ADAMTSL1: variants seen among roughly 807,000 people sequenced by gnomAD.
ADAMTSL1 encodes ADAMTS like 1.
ADAMTSL1 carries 126 observed loss-of-function variants against 201.8 expected under a neutral mutation model. The ratio of observed to expected loss-of-function variants is 0.62; its 90% CI spans 0.54 to 0.72. The LOEUF (loss-of-function observed/expected upper bound fraction) is 0.72, where lower values mean the gene tolerates loss of function less well. ADAMTSL1 is among the 30% of genes least tolerant of loss of function. The pLI, the probability that ADAMTSL1 is intolerant of heterozygous loss-of-function variation, is 0.00. For synonymous variants in ADAMTSL1, 1,121 were observed against 903.4 expected (o/e 1.24, Z -4.32); for missense variants, 2,679 against 2,277.8 (o/e 1.18, Z -3.59).
intron 3 of ADAMTSL1, among the ~76,000 whole-genome samples, chr9:18,563,213 T>G (rs1821649452): frequency 6.6e-6 from 1 of 152,230 alleles, no homozygotes; most frequent in Admixed American, 6.5e-5. Context: ...ATCCTTTTTG[T>G]TGATGTTGAT....
At chr9:18,730,263 T>G (rs1460917744) in intron 15 of ADAMTSL1, among the ~76,000 whole-genome samples, 2 of 152,224 alleles carry the variant, frequency 1.3e-5, no homozygotes, top group African/African-American at 4.8e-5. Flanking sequence ...ATTACTATGT[T>G]CCTTAAACTT....
chr9:18,867,727 A>G (rs1474618560), intron 23 of ADAMTSL1, among the ~76,000 whole-genome samples: 1 of 152,040 alleles, frequency 6.6e-6, no homozygotes, highest in Non-Finnish European at 1.5e-5. Context: ...CCTGAGTTCA[A>G]GCAATTCTCC....
At chr9:17,910,665 T>C (rs1825882401) in intron 1 of ADAMTSL1, among the ~76,000 whole-genome samples, 1 of 68,200 alleles carries the variant, frequency 1.5e-5, no homozygotes, top group African/African-American at 3.0e-5. Flanking sequence ...CAGAAAAGAG[T>C]TTAAAGTGGT....
intron 1 of ADAMTSL1, among the ~76,000 whole-genome samples, chr9:18,061,484 T>C (rs932993366): frequency 1.3e-5 from 2 of 152,214 alleles, no homozygotes; most frequent in Non-Finnish European, 2.9e-5. Flanking sequence ...AGGGATAATA[T>C]ATATGAGATT....
rs1045945795 is a variant in ADAMTSL1, at chr9:18,898,718, T to C, written c.4851+6122T>C. 2.0e-5 allele frequency among the ~76,000 whole-genome samples: 3 copies of C among 152,166 alleles called. No individual in the cohort carries two copies. The East Asian group carries it at 5.8e-4, about 29-fold the overall frequency. On this transcript the variant is annotated intron_variant, in intron 26 of 28. Coordinates refer to ENST00000380548, the MANE Select transcript of ADAMTSL1 (RefSeq NM_001040272.6). ...AAGACAAAAAACACAAGTATCTCAATAGACACAGGAAAGCCCTTTAATAAA... is the reference window on the plus strand; with the variant it reads ...AAGACAAAAAACACAAGTATCTCAACAGACACAGGAAAGCCCTTTAATAAA...
chr9:17,947,345 A>ACC lies in ADAMTSL1; in HGVS notation c.87+40426_87+40427dup, dbSNP rs374811850. On this transcript the variant is annotated intron_variant, in intron 1 of 29. Transcript: ENST00000680146. ...CACACACACACACACACACACACACACCCCACTATGCACTTGATAATTTTG... is the reference window on the plus strand; with the variant it reads ...CACACACACACACACACACACACACACCCCCCACTATGCACTTGATAATTTTG... 2.1e-3 allele frequency among the ~76,000 whole-genome samples: 303 copies of ACC among 147,026 alleles called. 3 individuals are homozygous for ACC. The highest frequency in any genetic ancestry group is 0.011 in the Middle Eastern group (3 of 278).
At chr9:18,066,431 T>C (rs1388775004) in intron 1 of ADAMTSL1, among the ~76,000 whole-genome samples, 1 of 152,256 alleles carries the variant, frequency 6.6e-6, no homozygotes, top group Non-Finnish European at 1.5e-5. Flanking sequence ...CTTAAAAGTA[T>C]CTAAAATATT....
intron 26 of ADAMTSL1, among the ~76,000 whole-genome samples, chr9:18,902,193 G>C (rs139825192): frequency 6.6e-6 from 1 of 152,086 alleles, no homozygotes; most frequent in Non-Finnish European, 1.5e-5. Context: ...TTCAACAATC[G>C]ATAGGACAAC....
intron 5 of ADAMTSL1, among the ~76,000 whole-genome samples, chr9:18,626,982 T>C (rs988837969): frequency 7.3e-5 from 11 of 151,608 alleles, no homozygotes; most frequent in Admixed American, 2.6e-4. Context: ...TTTCTTCTTT[T>C]TTTCTTTTAT....
intron 1 of ADAMTSL1, among the ~76,000 whole-genome samples, chr9:18,106,949 CA>C (rs1564004170): frequency 6.6e-6 from 1 of 152,162 alleles, no homozygotes; most frequent in East Asian, 1.9e-4. Flanking sequence ...TGGCAATTCC[CA>C]CATTGAAACT....
intron 2 of ADAMTSL1, among the ~76,000 whole-genome samples, chr9:18,463,548 C>G (rs1820887780): frequency 6.6e-6 from 1 of 152,072 alleles, no homozygotes; most frequent in African/African-American, 2.4e-5. Flanking sequence ...ATTCCCCATT[C>G]CCCCTTCCCT....
At chr9:18,707,491 C>T (rs1447825193) in intron 14 of ADAMTSL1, among the ~76,000 whole-genome samples, 2 of 152,098 alleles carry the variant, frequency 1.3e-5, no homozygotes, top group East Asian at 1.9e-4. Context: ...GTTTACATCT[C>T]GAGGAAGGGT....
intron 2 of ADAMTSL1, among the ~76,000 whole-genome samples, chr9:18,462,956 A>C (rs1820864730): frequency 6.6e-6 from 1 of 151,950 alleles, no homozygotes; most frequent in Non-Finnish European, 1.5e-5. Flanking sequence ...TAAAAATAAA[A>C]ATAAAAAATA....
At chr9:18,141,033 T>C (rs930098349) in intron 1 of ADAMTSL1, among the ~76,000 whole-genome samples, 1 of 152,196 alleles carries the variant, frequency 6.6e-6, no homozygotes, top group African/African-American at 2.4e-5. Flanking sequence ...ATGTATCATG[T>C]GACCCAACAC....
rs766397590 is a variant in ADAMTSL1 at position 18,887,969 on chromosome 9, C to T, written c.4388C>T (p.Ser1463Phe). The T allele has an allele frequency of 9.3e-6, 15 of 1,613,854 alleles. No individual in the cohort carries two copies. The East Asian group carries it at 3.3e-4, about 36-fold the overall frequency. ...CAAGTTGCAAACCTTAGCGGTGGGT[C>T]TCAAGGGGAATTCAGCTGCCTTGCT... ...ILQVANLSGG[S>F]QGEFSCLAQN... The change falls in exon 24 of 29, where the codon TCT becomes TTT. Residue 1463 changes from serine (S) to phenylalanine (F), a missense_variant. Ser to Phe is a radical substitution (Grantham distance 155). Coordinates refer to ENST00000380548, the MANE Select transcript of ADAMTSL1 (RefSeq NM_001040272.6).
chr9:18,133,566 A>C (rs531460163), intron 1 of ADAMTSL1, among the ~76,000 whole-genome samples: 1 of 152,288 alleles, frequency 6.6e-6, no homozygotes, highest in Admixed American at 6.5e-5. Context: ...TACTGAAACT[A>C]ACTGATGTTC....
intron 2 of ADAMTSL1, among the ~76,000 whole-genome samples, chr9:18,414,008 A>G (rs1418111336): frequency 2.0e-5 from 3 of 152,244 alleles, no homozygotes; most frequent in South Asian, 4.1e-4. Context: ...GTGAGTGACA[A>G]AAGAGCAAAG....
chr9:18,434,980 C>T (rs1281411451), intron 2 of ADAMTSL1, among the ~76,000 whole-genome samples: 2 of 152,170 alleles, frequency 1.3e-5, no homozygotes, highest in Non-Finnish European at 2.9e-5. Context: ...CCACTGTATC[C>T]CTAACACCTG....
intron 27 of ADAMTSL1, among the ~76,000 whole-genome samples, chr9:18,906,154 A>G (rs1199243870): frequency 6.6e-6 from 1 of 152,150 alleles, no homozygotes; most frequent in Non-Finnish European, 1.5e-5. Context: ...GAGAGGCCTC[A>G]TACCTCGAGA....
Sources: allele counts gnomAD v4.1 joint callset (sites outside exome capture counted in the v4.1 genomes callset), GRCh38; gene constraint gnomAD v4.1.1; transcripts MANE v1.5; gene names NCBI Gene and HGNC (gene_info 2026-07-23, HGNC 2026-07-21).